Variants in FAM107B observed in about 807,000 individuals in gnomAD.
The protein encoded by FAM107B is family with sequence similarity 107 member B, also known as protein FAM107B.
Under a neutral mutation model 31.5 loss-of-function variants are expected in FAM107B, and 21 were observed. The observed-to-expected ratio is 0.67, with a 90% confidence interval of 0.47 to 0.96. The LOEUF (loss-of-function observed/expected upper bound fraction) is 0.96, where lower values mean the gene tolerates loss of function less well. Among genes scored for constraint, FAM107B ranks in the 40% least tolerant of loss-of-function variants. The pLI is 0.00. For missense variants in FAM107B, 452 were observed against 377.1 expected (o/e 1.20, Z -1.64); for synonymous variants, 157 against 141.5 (o/e 1.11, Z -0.78).
chr10:14,523,132 T>C lies in FAM107B; in HGVS notation c.654-1113A>G, dbSNP rs113521499. 6.7e-3 allele frequency among the ~76,000 whole-genome samples: 1,023 copies of C among 152,340 alleles called. 4 individuals carry two copies. The highest frequency in any genetic ancestry group is 0.018 in the African/African-American group (746 of 41,582). On this transcript the variant is annotated intron_variant, in intron 3 of 4. Coordinates refer to ENST00000181796, the MANE Select transcript of FAM107B (RefSeq NM_031453.4). ...AGCATTTTCTCTAGTGCTATATCTG[T>C]CTGTTTAACTGTTAGCTTAAGATTT...
chr10:14,636,818 T>C (rs1045323237), intron 2 of FAM107B, among the ~76,000 whole-genome samples: 5 of 152,214 alleles, frequency 3.3e-5, no homozygotes, highest in African/African-American at 1.2e-4. Flanking sequence ...TCATTATGGC[T>C]CAGCTCCTTG....
chr10:14,719,154 G>T (rs1247986393), intron 1 of FAM107B, among the ~76,000 whole-genome samples: 2 of 152,304 alleles, frequency 1.3e-5, no homozygotes, highest in African/African-American at 4.8e-5. Context: ...TAGGCTTAGA[G>T]CAGGATCCGA....
chr10:14,702,123 A>C (rs1855413272), intron 1 of FAM107B, among the ~76,000 whole-genome samples: 1 of 152,250 alleles, frequency 6.6e-6, no homozygotes, highest in South Asian at 2.1e-4. Flanking sequence ...TCCACAAACG[A>C]GTGCATTTCA....
chr10:14,635,266 A>C (rs1297083101), intron 2 of FAM107B, among the ~76,000 whole-genome samples: 1 of 152,164 alleles, frequency 6.6e-6, no homozygotes, highest in African/African-American at 2.4e-5. Flanking sequence ...GAAGAAGAAC[A>C]GGAGCAAGAA....
rs1467788227 is a variant in FAM107B, at chr10:14,572,495, C to G, written c.470-41980G>C. ...ACCAATCAGAATGGCCCTCCTGAGGCTGGGATTCATGGCATCACAGCCCAC... is the reference window on the plus strand; with the variant it reads ...ACCAATCAGAATGGCCCTCCTGAGGGTGGGATTCATGGCATCACAGCCCAC... On this transcript the variant is annotated intron_variant, in intron 2 of 4. Transcript: ENST00000181796. 4 of 748,342 alleles carry G rather than the reference C, an allele frequency of 5.3e-6. No homozygotes were observed. In the Admixed American group the frequency reaches 1.9e-4, roughly 35 times the overall value. The allele number at this position is 748,342 out of a possible 1,614,324, so 46.4% of individuals were successfully genotyped here. A position where few individuals can be genotyped will look rare whatever the true frequency, so the allele number is the denominator to read the frequency against.
At chr10:14,573,404 T>G (rs1025123642) in intron 2 of FAM107B, among the ~76,000 whole-genome samples, 1 of 152,072 alleles carries the variant, frequency 6.6e-6, no homozygotes, top group Non-Finnish European at 1.5e-5. Context: ...GCCCTCGACC[T>G]TGGACTTCCC....
intron 2 of FAM107B, among the ~76,000 whole-genome samples, chr10:14,655,831 G>A (rs925356391): frequency 2.2e-4 from 34 of 152,290 alleles, no homozygotes; most frequent in African/African-American, 7.9e-4. Flanking sequence ...CTACCCTAGG[G>A]AAAGTGAGCT....
At chr10:14,624,801 A>T (rs1317028082) in intron 2 of FAM107B, among the ~76,000 whole-genome samples, 2 of 152,254 alleles carry the variant, frequency 1.3e-5, no homozygotes, top group Non-Finnish European at 2.9e-5. Flanking sequence ...TGTTAAATCA[A>T]TAATACAGAG....
At chr10:14,676,570 T>C (rs1854687486) in intron 1 of FAM107B, among the ~76,000 whole-genome samples, 1 of 152,202 alleles carries the variant, frequency 6.6e-6, no homozygotes. Flanking sequence ...ACATTATTGC[T>C]TCTAGTAACA....
At position 14,521,000 on chromosome 10, in the gene FAM107B, G is replaced by T; in HGVS notation, c.*190C>A. 1 of 545,708 alleles carries T rather than the reference G, an allele frequency of 1.8e-6. No homozygotes were observed. Among genetic ancestry groups the T allele is most frequent in the South Asian group, 2.6e-5 (1 of 38,250 alleles). The allele number at this position is 545,708 out of a possible 1,614,324, so 33.8% of individuals were successfully genotyped here. A position where few individuals can be genotyped will look rare whatever the true frequency, so the allele number is the denominator to read the frequency against. On this transcript the variant is annotated 3_prime_UTR_variant, in exon 5 of 5. Transcript: ENST00000181796. ...ACGTGCGGGGCACTGCCCTTCATTTGGCGAATAGGAACTGCAACTGTCACA... is the reference window on the plus strand; with the variant it reads ...ACGTGCGGGGCACTGCCCTTCATTTTGCGAATAGGAACTGCAACTGTCACA...
intron 2 of FAM107B, among the ~76,000 whole-genome samples, chr10:14,546,946 C>T (rs1308167719): frequency 2.6e-5 from 4 of 152,160 alleles, no homozygotes; most frequent in African/African-American, 9.7e-5. Flanking sequence ...TTCTTTACTG[C>T]ATGGCCACTC....
At chr10:14,637,875 CCAA>C (rs1231153695) in intron 2 of FAM107B, among the ~76,000 whole-genome samples, 4 of 152,114 alleles carry the variant, frequency 2.6e-5, no homozygotes, top group Admixed American at 2.6e-4. Context: ...CTGAATTCTT[CCAA>C]CAAGAGTGGA....
chr10:14,757,522 T>C (rs1204460388), intron 1 of FAM107B, among the ~76,000 whole-genome samples: 2 of 152,150 alleles, frequency 1.3e-5, no homozygotes, highest in Non-Finnish European at 2.9e-5. Context: ...TAACAAACTA[T>C]TCAGTGAGCC....
chr10:14,617,677 GAC>G (rs1852888220), intron 2 of FAM107B, among the ~76,000 whole-genome samples: 1 of 150,474 alleles, frequency 6.6e-6, no homozygotes, highest in South Asian at 2.1e-4. Flanking sequence ...GGGAAGAAAG[GAC>G]ACTGCTGCAT....
chr10:14,770,324 A>G (rs1051587489), intron 1 of FAM107B, among the ~76,000 whole-genome samples: 1 of 152,148 alleles, frequency 6.6e-6, no homozygotes, highest in Non-Finnish European at 1.5e-5. Context: ...GGAATTCGAG[A>G]TCAGGCTGGC....
At chr10:14,695,837 C>T (rs902836027) in intron 1 of FAM107B, among the ~76,000 whole-genome samples, 10 of 152,122 alleles carry the variant, frequency 6.6e-5, no homozygotes, top group African/African-American at 2.2e-4. Context: ...TATCCTTCAA[C>T]TTTACTGAAT....
chr10:14,703,554 C>T (rs570660564), intron 1 of FAM107B, among the ~76,000 whole-genome samples: 5 of 152,128 alleles, frequency 3.3e-5, no homozygotes, highest in African/African-American at 9.6e-5. Flanking sequence ...AGGCTGGTCT[C>T]GAACTCCTGG....
At chr10:14,537,179 A>G (rs947666400) in intron 2 of FAM107B, among the ~76,000 whole-genome samples, 2 of 152,174 alleles carry the variant, frequency 1.3e-5, no homozygotes, top group Non-Finnish European at 2.9e-5. Flanking sequence ...GCCAGAGTGG[A>G]GCAGCCATGC....
intron 1 of FAM107B, among the ~76,000 whole-genome samples, chr10:14,760,671 A>G (rs934969337): frequency 6.6e-6 from 1 of 150,954 alleles, no homozygotes; most frequent in African/African-American, 2.5e-5. Context: ...CTCAATATCT[A>G]AAAGATGTTT....
Sources: allele counts gnomAD v4.1 joint callset (sites outside exome capture counted in the v4.1 genomes callset), GRCh38; gene constraint gnomAD v4.1.1; transcripts MANE v1.5; gene names NCBI Gene and HGNC (gene_info 2026-07-23, HGNC 2026-07-21).